CFAP54: variants seen among roughly 807,000 people sequenced by gnomAD.
CFAP54 encodes cilia and flagella associated protein 54.
Under a neutral mutation model 370.4 loss-of-function variants are expected in CFAP54, and 290 were observed. The observed-to-expected ratio is 0.78, with a 90% CI of 0.71 to 0.86. CFAP54 has a LOEUF of 0.86. CFAP54 is among the 40% of genes least tolerant of loss of function. CFAP54 has a pLI of 0.00. For missense variants in CFAP54, 3,399 were observed against 3,528.7 expected, an observed-to-expected ratio of 0.96 and a Z score of 0.93; for synonymous variants, 1,206 against 1,236.5, an observed-to-expected ratio of 0.98 and a Z score of 0.52.
rs147957403 is a variant in CFAP54 at position 96,836,416 on chromosome 12, C to A, written c.9171+7328C>A. On this transcript the variant is annotated intron_variant, in intron 66 of 67. Transcript: ENST00000524981. ...TCTTTCTTTAACTACACTTAGCTTT[C>A]TCAGTGTAGGAATGGAGTTGAAAAT... Among the ~76,000 whole-genome samples the A allele has an allele frequency of 4.8e-3, 733 of 152,208 alleles. 7 individuals carry two copies. Among genetic ancestry groups the A allele is most frequent in the African/African-American group, 0.016 (677 of 41,530 alleles).
At chr12:96,823,654 G>A (rs971573935) in intron 65 of CFAP54, among the ~76,000 whole-genome samples, 1 of 152,136 alleles carries the variant, frequency 6.6e-6, no homozygotes, top group Non-Finnish European at 1.5e-5. Context: ...CCCTCACTAG[G>A]CCATGAACTC....
chr12:96,826,943 GTATGATTATATATAATATGCAATTATA>G (rs1187372117), intron 65 of CFAP54, among the ~76,000 whole-genome samples: 2,995 of 125,140 alleles, frequency 0.024, 245 homozygotes, highest in African/African-American at 0.086. Context: ...ATGCAATTAT[GTATGATTATATATAATATGCAATTATA>G]TATGATTATA....
intron 42 of CFAP54, among the ~76,000 whole-genome samples, chr12:96,688,283 A>C (rs1449339599): frequency 6.6e-6 from 1 of 152,172 alleles, no homozygotes; most frequent in African/African-American, 2.4e-5. Context: ...GGAGATACTT[A>C]ATGTTGTGAA....
rs1390399223 is a variant in CFAP54 at position 96,816,988 on chromosome 12, C to T, written c.8958-787C>T. Among the ~76,000 whole-genome samples the T allele has an allele frequency of 1.2e-4, 18 of 152,284 alleles. No individual in the cohort carries two copies. The South Asian group carries it at 2.9e-3, about 25-fold the overall frequency. On this transcript the variant is annotated intron_variant, in intron 64 of 67. Coordinates refer to ENST00000524981, the MANE Select transcript of CFAP54 (RefSeq NM_001306084.2). Reference sequence around the variant, plus strand: ...CCTCCACCCTCTTCACTCCCATTCCCGACACACATGCAATACACTGAATTG... The same window carrying T: ...CCTCCACCCTCTTCACTCCCATTCCTGACACACATGCAATACACTGAATTG...
rs1260680916 is a variant in CFAP54 at position 96,518,993 on chromosome 12, G to T, written c.864G>T (p.Arg288Ser). ...CCTTGGTCCCGCTCCTGTCACTCAG[G>T]TACTTGACATGGCGCGCTACTCTCT... ...MESLVPLLSL[R>S]YLTWRATLYT... The change falls in exon 6 of 68, where the codon AGG (arginine) becomes AGT (serine). Residue 288 changes from arginine to serine, a missense_variant. This residue lies in a region of CFAP54 where 559 missense variants were observed against 576.7 expected (regional missense o/e 0.97). Coordinates refer to ENST00000524981, the MANE Select transcript of CFAP54 (RefSeq NM_001306084.2). The T allele has an allele frequency of 2.0e-6, 3 of 1,536,016 alleles. No individual in the cohort carries two copies. Among genetic ancestry groups the T allele is most frequent in the East Asian group, 2.4e-5 (1 of 40,916 alleles).
At chr12:96,806,415 C>G (rs938020874) in intron 63 of CFAP54, among the ~76,000 whole-genome samples, 10 of 150,704 alleles carry the variant, frequency 6.6e-5, no homozygotes, top group Admixed American at 4.0e-4. Flanking sequence ...GGAACTGAAA[C>G]GGTATTTGGA....
chr12:96,681,272 T>C (rs1957267952), intron 40 of CFAP54, among the ~76,000 whole-genome samples: 1 of 152,198 alleles, frequency 6.6e-6, no homozygotes, highest in South Asian at 2.1e-4. Context: ...CTTCAAAATC[T>C]ATACTAGCTT....
intron 60 of CFAP54, among the ~76,000 whole-genome samples, chr12:96,773,428 C>G (rs1338261356): frequency 2.0e-5 from 3 of 152,198 alleles, no homozygotes; most frequent in Admixed American, 6.5e-5. Context: ...ATTTATAATA[C>G]CTAAAATCCC....
chr12:96,771,500 A>G (rs1250653190), intron 60 of CFAP54, among the ~76,000 whole-genome samples: 1 of 152,162 alleles, frequency 6.6e-6, no homozygotes, highest in Non-Finnish European at 1.5e-5. Context: ...AAAATACAAA[A>G]AATTAGCCAG....
At chr12:96,708,202 G>T (rs996668924) in intron 47 of CFAP54, among the ~76,000 whole-genome samples, 1 of 152,124 alleles carries the variant, frequency 6.6e-6, no homozygotes, top group African/African-American at 2.4e-5. Flanking sequence ...TGGGTAGGGA[G>T]ATTGCTTGTC....
chr12:96,699,266 G>A (rs553232646), intron 45 of CFAP54, among the ~76,000 whole-genome samples: 42 of 152,164 alleles, frequency 2.8e-4, no homozygotes, highest in Non-Finnish European at 5.0e-4. Flanking sequence ...TCCAAAGGGA[G>A]TAACCTCTGG....
intron 64 of CFAP54, among the ~76,000 whole-genome samples, chr12:96,813,881 G>GA (rs1303971573): frequency 6.6e-6 from 1 of 152,208 alleles, no homozygotes; most frequent in Non-Finnish European, 1.5e-5. Flanking sequence ...GGACAGAAAT[G>GA]AAGAAGTACG....
intron 42 of CFAP54, among the ~76,000 whole-genome samples, chr12:96,687,554 T>A (rs1957342380): frequency 6.6e-6 from 1 of 152,240 alleles, no homozygotes; most frequent in Non-Finnish European, 1.5e-5. Flanking sequence ...CATAGTGTTT[T>A]AAGCTGTAGA....
chr12:96,771,521 G>A (rs1209420357), intron 60 of CFAP54, among the ~76,000 whole-genome samples: 1 of 152,150 alleles, frequency 6.6e-6, no homozygotes, highest in African/African-American at 2.4e-5. Flanking sequence ...GCGCGGTGGT[G>A]GGCCCCTGTA....
At chr12:96,682,899 A>T (rs1172612374) in intron 40 of CFAP54, among the ~76,000 whole-genome samples, 1 of 151,986 alleles carries the variant, frequency 6.6e-6, no homozygotes, top group African/African-American at 2.4e-5. Flanking sequence ...CTTTCATTGG[A>T]GCTGTGAACT....
chr12:96,592,358 A>G (rs1592868352), intron 23 of CFAP54, 132 bp from the exon 24 acceptor site: 1 of 341,450 alleles, frequency 2.9e-6, no homozygotes, highest in Non-Finnish European at 5.3e-6. Context: ...CTGTGCAAGA[A>G]TAGCTGTTCT....
intron 46 of CFAP54, among the ~76,000 whole-genome samples, chr12:96,701,304 G>A (rs866037822): frequency 2.0e-5 from 3 of 151,954 alleles, no homozygotes; most frequent in Non-Finnish European, 4.4e-5. Context: ...CATCTTACCT[G>A]GATTAAATTA....
chr12:96,533,805 T>C lies in CFAP54; in HGVS notation c.1371T>C (p.Gly457=). The change falls in exon 10 of 68, where the codon GGT becomes GGC. Residue 457 remains glycine, a synonymous_variant. Coordinates refer to ENST00000524981, the MANE Select transcript of CFAP54 (RefSeq NM_001306084.2). ...GKELLIMSNI[G]ADGMLDFPKT... ...TTCCTTTCCTAGTGTCAAATATTGG[T>C]GCAGATGGAATGCTTGATTTTCCAA... The C allele has an allele frequency of 6.6e-7, 1 of 1,522,306 alleles. No individual in the cohort carries two copies. Among genetic ancestry groups the C allele is most frequent in the Non-Finnish European group, 8.8e-7 (1 of 1,142,846 alleles). The allele number at this position is 1,522,306 out of a possible 1,614,324, so 94.3% of individuals were successfully genotyped here. A position where few individuals can be genotyped will look rare whatever the true frequency, so the allele number is the denominator to read the frequency against.
intron 67 of CFAP54, among the ~76,000 whole-genome samples, chr12:96,864,267 C>G (rs746361402): frequency 3.9e-5 from 6 of 152,082 alleles, no homozygotes; most frequent in Non-Finnish European, 8.8e-5. Context: ...AGAAGGGGAA[C>G]AGACACAGGC....
Sources: gnomAD v4.1 joint callset for allele counts (sites outside exome capture counted in the v4.1 genomes callset) on GRCh38, gnomAD v4.1.1 for gene constraint, gnomAD v4.1.1 regional missense constraint, MANE v1.5 for transcripts, NCBI Gene and HGNC (gene_info 2026-07-23, HGNC 2026-07-21) for gene names.